The following EGFR variants were observed in gnomAD, a reference collection of about 807,000 sequenced individuals.
The protein encoded by EGFR is epidermal growth factor receptor.
EGFR carries 58 observed loss-of-function variants against 143.0 expected under a neutral mutation model. The observed-to-expected ratio is 0.41, with a 90% CI of 0.33 to 0.50. The LOEUF (loss-of-function observed/expected upper bound fraction) is 0.50. Among genes scored for constraint, EGFR ranks in the 20% least tolerant of loss-of-function variants. EGFR has a pLI of 0.39. For missense variants in EGFR, 1,307 were observed against 1,579.0 expected, an observed-to-expected ratio of 0.83 and a Z score of 2.92; for synonymous variants, 613 against 594.4, an observed-to-expected ratio of 1.03 and a Z score of -0.45.
chr7:55,182,437 G>A (rs7795743), intron 20 of EGFR: 84,709 of 152,068 alleles, frequency 0.56, 24,238 homozygotes, highest in Middle Eastern at 0.68. Flanking sequence ...CGAGTCATTC[G>A]TGAGGCGCTC....
chr7:55,179,319 G>T (rs574650626), intron 19 of EGFR, among the ~76,000 whole-genome samples: 1 of 152,342 alleles, frequency 6.6e-6, no homozygotes, highest in Non-Finnish European at 1.5e-5. Flanking sequence ...TCACCCTCTT[G>T]GCCTGGGGGC....
At chr7:55,195,963 A>G (rs1032710035) in intron 22 of EGFR, among the ~76,000 whole-genome samples, 6 of 152,154 alleles carry the variant, frequency 3.9e-5, no homozygotes, top group African/African-American at 1.4e-4. Flanking sequence ...GCTATTGTAA[A>G]TAGTGCTGCA....
rs3735060 is a variant in EGFR at position 55,096,791 on chromosome 7, G to A, written c.89-45495G>A. 0.017 allele frequency among the ~76,000 whole-genome samples: 2,554 copies of A among 152,260 alleles called. 188 individuals are homozygous for A. In the East Asian group the frequency reaches 0.2, roughly 12 times the overall value. ...TCAGCCCCTGCCAGCTTGCAGGGGC[G>A]CAGGCGCAGAGCGGTTTGTGCCCTT... On this transcript the variant is annotated intron_variant, in intron 1 of 27. Coordinates refer to ENST00000275493, the MANE Select transcript of EGFR (RefSeq NM_005228.5).
At chr7:55,076,300 C>A (rs1473052833) in intron 1 of EGFR, among the ~76,000 whole-genome samples, 7 of 152,142 alleles carry the variant, frequency 4.6e-5, no homozygotes, top group Admixed American at 4.6e-4. Context: ...CCCAAGAAAG[C>A]CTTGTAACTT....
At chr7:55,135,007 A>G (rs994931542) in intron 1 of EGFR, among the ~76,000 whole-genome samples, 6 of 152,126 alleles carry the variant, frequency 3.9e-5, no homozygotes, top group African/African-American at 1.4e-4. Context: ...CAATCTTCAC[A>G]CTGTAGAAGT....
intron 1 of EGFR, among the ~76,000 whole-genome samples, chr7:55,134,404 C>G (rs1157126115): frequency 6.6e-6 from 1 of 152,226 alleles, no homozygotes; most frequent in African/African-American, 2.4e-5. Context: ...GAGGCCCACC[C>G]CAGCCATATC....
chr7:55,151,568 A>C (rs1343387009), intron 5 of EGFR, among the ~76,000 whole-genome samples: 8 of 152,220 alleles, frequency 5.3e-5, no homozygotes, highest in Admixed American at 2.6e-4. Context: ...GCTTCAGCCT[A>C]TCACAAATAA....
chr7:55,069,379 A>G (rs558674392), intron 1 of EGFR, among the ~76,000 whole-genome samples: 2 of 152,200 alleles, frequency 1.3e-5, no homozygotes, highest in Non-Finnish European at 2.9e-5. Context: ...TGCAGCAAGT[A>G]TCTGCTGAGC....
At chr7:55,022,290 C>A (rs953893383) in intron 1 of EGFR, among the ~76,000 whole-genome samples, 10 of 152,270 alleles carry the variant, frequency 6.6e-5, no homozygotes, top group Non-Finnish European at 1.3e-4. Context: ...ACTGAGGGAG[C>A]TTTGTGGAAA....
rs147726446 is a variant in EGFR, at chr7:55,143,418, C to T, written c.354C>T (p.Ala118=). The change falls in exon 3 of 28, where the codon GCC becomes GCT. Residue 118 remains alanine (A), a synonymous_variant. Transcript: ENST00000275493. ...RGNMYYENSY[A]LAVLSNYDAN... The stretch of plus-strand genomic sequence containing the variant: ...ATATGTACTACGAAAATTCCTATGC[C>T]TTAGCAGTCTTATCTAACTATGATG... The T allele has an allele frequency of 5.2e-4, 845 of 1,614,074 alleles. 2 individuals carry two copies. The highest frequency in any genetic ancestry group is 6.5e-4 in the Non-Finnish European group (765 of 1,180,050).
At chr7:55,111,438 T>C (rs1792483510) in intron 1 of EGFR, among the ~76,000 whole-genome samples, 1 of 152,148 alleles carries the variant, frequency 6.6e-6, no homozygotes, top group Admixed American at 6.5e-5. Context: ...TGAGCCTGTT[T>C]GTGCCACTGA....
At chr7:55,151,388 C>A (rs764911170) in intron 5 of EGFR, 26 bp downstream of exon 5, 1 of 1,611,934 alleles carries the variant, frequency 6.2e-7, no homozygotes, top group South Asian at 1.1e-5. Context: ...GCCTCAGACC[C>A]ATGTGTGACC....
At chr7:55,196,784 T>G (rs1328857902) in intron 22 of EGFR, among the ~76,000 whole-genome samples, 1 of 133,332 alleles carries the variant, frequency 7.5e-6, no homozygotes, top group Non-Finnish European at 1.7e-5. Context: ...ATTCATTGCT[T>G]TTTTTTTTTT....
chr7:55,153,826 T>C (rs1032522780), intron 6 of EGFR, among the ~76,000 whole-genome samples, 185 bp from the exon 7 acceptor site: 1 of 152,180 alleles, frequency 6.6e-6, no homozygotes, highest in Non-Finnish European at 1.5e-5. Context: ...ATGGACTTTT[T>C]AGAGAAGGGT....
At chr7:55,158,441 A>C (rs1181419365) in intron 11 of EGFR, among the ~76,000 whole-genome samples, 1 of 152,184 alleles carries the variant, frequency 6.6e-6, no homozygotes, top group Non-Finnish European at 1.5e-5. Context: ...TAAAGAGAAT[A>C]AGAGTGCGTG....
intron 1 of EGFR, among the ~76,000 whole-genome samples, chr7:55,056,165 C>T (rs1353026619): frequency 6.6e-6 from 1 of 152,110 alleles, no homozygotes; most frequent in African/African-American, 2.4e-5. Context: ...TCTTATGATT[C>T]TGCAGCAATT....
At chr7:55,204,231 T>TAC (rs869288401) in intron 27 of EGFR, among the ~76,000 whole-genome samples, 1 of 128,520 alleles carries the variant, frequency 7.8e-6, no homozygotes, top group African/African-American at 3.0e-5. Context: ...TACACAAACG[T>TAC]ACACACACAC....
chr7:55,069,366 A>G (rs902891513), intron 1 of EGFR, among the ~76,000 whole-genome samples: 4 of 152,188 alleles, frequency 2.6e-5, no homozygotes, highest in African/African-American at 7.2e-5. Flanking sequence ...CACACGGGAT[A>G]TGTGCAGCAA....
At chr7:55,158,369 C>G (rs1288511541) in intron 11 of EGFR, among the ~76,000 whole-genome samples, 1 of 152,146 alleles carries the variant, frequency 6.6e-6, no homozygotes, top group Non-Finnish European at 1.5e-5. Context: ...TGGAAGCAGC[C>G]TCGTTATGAG....
Sources: allele counts gnomAD v4.1 joint callset (sites outside exome capture counted in the v4.1 genomes callset), GRCh38; gene constraint gnomAD v4.1.1; transcripts MANE v1.5; gene names NCBI Gene and HGNC (gene_info 2026-07-23, HGNC 2026-07-21).